Variants in L3MBTL4 observed in about 807,000 individuals in gnomAD.
L3MBTL4 encodes the protein L3MBTL histone methyl-lysine binding protein 4.
Under a neutral mutation model 84.5 loss-of-function variants are expected in L3MBTL4, and 70 were observed. That is an observed-to-expected ratio of 0.83 (90% CI 0.68 to 1.01). L3MBTL4 has a LOEUF of 1.01. Among genes scored for constraint, L3MBTL4 ranks in the 50% least tolerant of loss-of-function variants. L3MBTL4 has a pLI of 0.00. For synonymous variants in L3MBTL4, 274 were observed against 259.8 expected (o/e 1.05, Z -0.52); for missense variants, 715 against 754.8 (o/e 0.95, Z 0.62).
At chr18:6,169,142 C>T (rs1354169664) in intron 13 of L3MBTL4, among the ~76,000 whole-genome samples, 1 of 152,146 alleles carries the variant, frequency 6.6e-6, no homozygotes, top group Non-Finnish European at 1.5e-5. Context: ...CCATCTCACA[C>T]CAGTTAGAAT....
intron 16 of L3MBTL4, among the ~76,000 whole-genome samples, chr18:6,072,069 A>T (rs1250743540): frequency 6.6e-6 from 1 of 152,210 alleles, no homozygotes; most frequent in Non-Finnish European, 1.5e-5. Context: ...CAATTGGAGA[A>T]ATAAAATACA....
chr18:6,297,899 A>G (rs1226442200), intron 4 of L3MBTL4, among the ~76,000 whole-genome samples: 2 of 152,208 alleles, frequency 1.3e-5, no homozygotes, highest in African/African-American at 4.8e-5. Flanking sequence ...GTGACTACAT[A>G]CTTGTCTACA....
intron 15 of L3MBTL4, among the ~76,000 whole-genome samples, chr18:6,081,568 G>A (rs2058078559): frequency 6.6e-6 from 1 of 152,084 alleles, no homozygotes. Flanking sequence ...AGGTAGATAG[G>A]CCTGTGAGAT....
intron 1 of L3MBTL4, among the ~76,000 whole-genome samples, chr18:6,348,042 A>G (rs1010281393): frequency 6.6e-6 from 1 of 152,112 alleles, no homozygotes; most frequent in African/African-American, 2.4e-5. Flanking sequence ...TGCCATTTAC[A>G]ATAGCATTGA....
intron 12 of L3MBTL4, among the ~76,000 whole-genome samples, chr18:6,193,424 G>A (rs887437441): frequency 4.6e-5 from 7 of 152,212 alleles, no homozygotes; most frequent in Admixed American, 3.9e-4. Context: ...ACCACGAGGA[G>A]CAAAGAGTAC....
chr18:6,310,585 G>C (rs1464142211), intron 3 of L3MBTL4, among the ~76,000 whole-genome samples: 1 of 152,218 alleles, frequency 6.6e-6, no homozygotes, highest in Non-Finnish European at 1.5e-5. Flanking sequence ...ACGGCAATGT[G>C]TAAATGTATA....
Position 6,070,722 on chromosome 18 carries a change from C to G in L3MBTL4, c.1444+10159G>C, listed in dbSNP as rs531705689. On this transcript the variant is annotated intron_variant, in intron 16 of 18. Transcript: ENST00000317931. ...GCATGGTGGCACACACCTGTAGGCC[C>G]AGCTACTCCAGAGGCTGAGGTGGGA... Among the ~76,000 whole-genome samples, 3 of 152,170 alleles carry G rather than the reference C, an allele frequency of 2.0e-5. No individual in the cohort carries two copies. The South Asian group carries it at 6.2e-4, about 32-fold the overall frequency.
At chr18:5,991,688 C>A (rs1268158117) in intron 16 of L3MBTL4, among the ~76,000 whole-genome samples, 1 of 152,152 alleles carries the variant, frequency 6.6e-6, no homozygotes, top group Non-Finnish European at 1.5e-5. Flanking sequence ...AATTAGCCAG[C>A]CCCACCTTTA....
intron 16 of L3MBTL4, among the ~76,000 whole-genome samples, chr18:5,969,906 G>A (rs985035088): frequency 2.0e-5 from 3 of 152,198 alleles, no homozygotes; most frequent in Admixed American, 1.3e-4. Flanking sequence ...AGGAATCAAG[G>A]AACCGTGCAG....
At chr18:6,408,815 G>A (rs1392794140) in intron 1 of L3MBTL4, among the ~76,000 whole-genome samples, 1 of 151,784 alleles carries the variant, frequency 6.6e-6, no homozygotes, top group African/African-American at 2.4e-5. Context: ...CTGAGTAGCT[G>A]GGATCATAGG....
intron 13 of L3MBTL4, among the ~76,000 whole-genome samples, chr18:6,153,087 T>C (rs1352190068): frequency 2.0e-5 from 3 of 152,212 alleles, no homozygotes; most frequent in African/African-American, 7.2e-5. Context: ...CATTGGTCTA[T>C]GTGTCTCTTT....
chr18:6,412,197 C>G (rs1964500), intron 1 of L3MBTL4, among the ~76,000 whole-genome samples: 107,844 of 151,836 alleles, frequency 0.71, 38,440 homozygotes, highest in East Asian at 0.79. Flanking sequence ...TCCATGTGTG[C>G]TTATCATTTT....
intron 10 of L3MBTL4, among the ~76,000 whole-genome samples, chr18:6,216,773 A>G (rs2046344913): frequency 6.6e-6 from 1 of 152,096 alleles, no homozygotes; most frequent in Admixed American, 6.6e-5. Context: ...TCTTGATTTA[A>G]TCCTTAAATA....
intron 14 of L3MBTL4, among the ~76,000 whole-genome samples, chr18:6,096,800 A>G (rs1340038332): frequency 1.3e-5 from 2 of 152,210 alleles, no homozygotes; most frequent in Admixed American, 6.5e-5. Flanking sequence ...TGAAGTTTCT[A>G]TGACTTAAAG....
chr18:6,220,570 C>A (rs901067739), intron 10 of L3MBTL4, among the ~76,000 whole-genome samples: 1 of 152,154 alleles, frequency 6.6e-6, no homozygotes, highest in Non-Finnish European at 1.5e-5. Context: ...TTGCCTTATT[C>A]TTCTCCACAG....
chr18:6,011,893 G>A (rs1204405170), intron 16 of L3MBTL4, among the ~76,000 whole-genome samples: 4 of 152,218 alleles, frequency 2.6e-5, no homozygotes, highest in Non-Finnish European at 4.4e-5. Context: ...ATATTTTTAA[G>A]TAAAGGAAAA....
At chr18:5,985,921 G>C (rs999546007) in intron 16 of L3MBTL4, among the ~76,000 whole-genome samples, 3 of 152,140 alleles carry the variant, frequency 2.0e-5, no homozygotes, top group Non-Finnish European at 4.4e-5. Context: ...TCTTGGAGAG[G>C]GATGCTGTAG....
intron 1 of L3MBTL4, among the ~76,000 whole-genome samples, chr18:6,386,793 G>T (rs1218440318): frequency 2.0e-5 from 3 of 152,188 alleles, no homozygotes; most frequent in Non-Finnish European, 4.4e-5. Context: ...CAGAAAGGCA[G>T]GAAATGGCCA....
intron 16 of L3MBTL4, among the ~76,000 whole-genome samples, chr18:5,970,704 G>A (rs2052596017): frequency 6.6e-6 from 1 of 152,234 alleles, no homozygotes; most frequent in Non-Finnish European, 1.5e-5. Flanking sequence ...ATAAGCAGTA[G>A]GCACATAATT....
Sources: gnomAD v4.1 joint callset for allele counts (sites outside exome capture counted in the v4.1 genomes callset) on GRCh38, gnomAD v4.1.1 for gene constraint, MANE v1.5 for transcripts, NCBI Gene and HGNC (gene_info 2026-07-23, HGNC 2026-07-21) for gene names.